Variants in TRIO observed in about 807,000 individuals in gnomAD.
TRIO encodes trio Rho guanine nucleotide exchange factor.
In TRIO, 58 loss-of-function variants were observed where a neutral mutation model predicts 351.9. The observed-to-expected ratio is 0.16, with a 90% CI of 0.13 to 0.21. The LOEUF (loss-of-function observed/expected upper bound fraction) is 0.21. TRIO is among the 10% of genes least tolerant of loss of function. TRIO has a pLI of 1.00. For synonymous variants in TRIO, 1,758 were observed against 1,595.7 expected, an observed-to-expected ratio of 1.10 and a Z score of -2.42; for missense variants, 3,201 against 4,027.8, an observed-to-expected ratio of 0.79 and a Z score of 5.56.
In TRIO at chr5:14,497,065, A is replaced by G. The variant is rs774794975; in HGVS notation, c.8019+48A>G. ...GTCCGTGTCATCCCAGCATGAGAGA[A>G]AGGATCAGGGAGGGCAGAGACTCTG... On this transcript the variant is annotated intron_variant, in intron 50 of 56. Transcript: ENST00000344204. The surrounding 1 kb of genome is among the most constrained non-coding windows in gnomAD (Gnocchi z 4.4). 2.5e-6 allele frequency: 4 copies of G among 1,606,536 alleles called. No individual in the cohort carries two copies. The highest frequency in any genetic ancestry group is 2.6e-6 in the Non-Finnish European group (3 of 1,175,716).
At chr5:14,293,905 T>C (rs1470385072) in intron 6 of TRIO, among the ~76,000 whole-genome samples, 2 of 152,150 alleles carry the variant, frequency 1.3e-5, no homozygotes, top group African/African-American at 4.8e-5. Context: ...GTTTGGACTT[T>C]AAGCCAGCCT....
rs2126719484 is a variant in TRIO at position 14,507,123 on chromosome 5, G to A, written c.8614G>A (p.Ala2872Thr). 4 of 1,591,386 alleles carry A rather than the reference G, an allele frequency of 2.5e-6. No homozygotes were observed. Among genetic ancestry groups the A allele is most frequent in the Non-Finnish European group, 3.4e-6 (4 of 1,171,010 alleles). ...AGTCACCCGCTCCTGCCTCTTTAGG[G>A]CTGACCAGGGTCGCCTCCTGGACTG... Reference protein sequence around the residue: ...PTSYILVLEMADQGRLLDCVV... With the variant: ...PTSYILVLEMTDQGRLLDCVV... The change falls in exon 56 of 57, where the codon GCT becomes ACT. Residue 2872 changes from alanine (A) to threonine (T), a missense_variant and splice_region_variant. Ala to Thr is a moderately conservative substitution (Grantham distance 58). Coordinates refer to ENST00000344204, the MANE Select transcript of TRIO (RefSeq NM_007118.4).
chr5:14,184,844 C>T (rs1790009096), intron 1 of TRIO, among the ~76,000 whole-genome samples: 1 of 152,184 alleles, frequency 6.6e-6, no homozygotes, highest in African/African-American at 2.4e-5. Flanking sequence ...TGCTTCCCTC[C>T]TGGCGTCTGT....
At chr5:14,381,747 T>G (rs1246605160) in intron 21 of TRIO, among the ~76,000 whole-genome samples, 3 of 152,214 alleles carry the variant, frequency 2.0e-5, no homozygotes, top group African/African-American at 7.2e-5. Context: ...GCAGAGTCTG[T>G]GTCATCGCCT....
At chr5:14,207,270 C>CACACACACACAA (rs1791520864) in intron 1 of TRIO, among the ~76,000 whole-genome samples, 1 of 72,072 alleles carries the variant, frequency 1.4e-5, no homozygotes, top group South Asian at 5.4e-4. Flanking sequence ...TCTACACACA[C>CACACACACACAA]ACACACACAC....
intron 5 of TRIO, among the ~76,000 whole-genome samples, chr5:14,292,390 T>C (rs1261253884): frequency 6.6e-6 from 1 of 152,246 alleles, no homozygotes; most frequent in African/African-American, 2.4e-5. Context: ...CATCTATATT[T>C]TCTTAAATGT....
chr5:14,393,058 A>AAG (rs1747244567), intron 27 of TRIO, among the ~76,000 whole-genome samples: 1 of 137,430 alleles, frequency 7.3e-6, no homozygotes. Flanking sequence ...AAAAGAAAGA[A>AAG]AAAAAAAAAA....
At chr5:14,416,157 C>T (rs989110855) in intron 33 of TRIO, among the ~76,000 whole-genome samples, 1 of 148,652 alleles carries the variant, frequency 6.7e-6, no homozygotes, top group Non-Finnish European at 1.5e-5. Context: ...TCTCTGAAAG[C>T]CAAGACCTCC....
intron 2 of TRIO, among the ~76,000 whole-genome samples, chr5:14,276,430 C>T (rs577605734): frequency 1.3e-5 from 2 of 152,366 alleles, no homozygotes; most frequent in African/African-American, 2.4e-5. Flanking sequence ...GCGAGGTGCT[C>T]GCCTTGGCTG....
At chr5:14,197,862 A>G (rs1056664343) in intron 1 of TRIO, among the ~76,000 whole-genome samples, 5 of 152,194 alleles carry the variant, frequency 3.3e-5, no homozygotes, top group Admixed American at 6.5e-5. Flanking sequence ...CGAATCTCTT[A>G]TACTGGACTG....
chr5:14,452,082 CAT>C (rs975609140), intron 34 of TRIO, among the ~76,000 whole-genome samples: 1 of 152,252 alleles, frequency 6.6e-6, no homozygotes, highest in African/African-American at 2.4e-5. Flanking sequence ...AGCAGACCCA[CAT>C]GTGTGCATGT....
rs930355240 is a variant in TRIO, at chr5:14,290,680, G to A, written c.541-36G>A. 6 of 1,547,786 alleles carry A rather than the reference G, an allele frequency of 3.9e-6. No individual in the cohort carries two copies. In the African/African-American group the frequency reaches 5.5e-5, roughly 14 times the overall value. The stretch of plus-strand genomic sequence containing the variant: ...ATTATGTTAAAACTATATAAAATTG[G>A]TTCATCTTCTCATACGTGATTTTTT... On this transcript the variant is annotated intron_variant, in intron 4 of 56. Coordinates refer to ENST00000344204, the MANE Select transcript of TRIO (RefSeq NM_007118.4).
rs531972830 is a variant in TRIO, at chr5:14,485,069, G to A, written c.6658G>A (p.Val2220Met). 6.6e-7 allele frequency: 1 copy of A among 1,514,104 alleles called. No homozygotes were observed. The highest frequency in any genetic ancestry group is 1.3e-5 in the South Asian group (1 of 76,978). 93.8% of individuals were successfully genotyped at this position (1,514,104 alleles called of 1,614,324 possible). The change falls in exon 47 of 57, where the codon GTG (valine) becomes ATG (methionine). Residue 2220 changes from valine (V) to methionine (M), a missense_variant and splice_region_variant. Physicochemically the swap from Val to Met is conservative, Grantham distance 21. Around this residue, in one of 19 missense-constraint regions of TRIO, gnomAD observed 1,089 missense variants for 954.9 expected, o/e 1.14. Coordinates refer to ENST00000344204, the MANE Select transcript of TRIO (RefSeq NM_007118.4). ...TGAATAATGTTTTTTTTTTTTTAAG[G>A]TGAGTTGCCTTTGCCTGGAGGAAAA... ...PGFLFKNSIKVSCLCLEENVE... is the reference protein window; with the variant it reads ...PGFLFKNSIKMSCLCLEENVE...
rs1414225554 is a variant in TRIO, at chr5:14,341,895, TGCAAAC to T, written c.2046+5169_2046+5174del. Among the ~76,000 whole-genome samples, 7 of 152,372 alleles carry T rather than the reference TGCAAAC, an allele frequency of 4.6e-5. No individual in the cohort carries two copies. In the East Asian group the frequency reaches 1.3e-3, roughly 29 times the overall value. Reference sequence around the variant, plus strand: ...AAAGGAAGCCTCTTGGTTCTAGTTCTGCAAACTTACACACTGAACTGGGACAAGTTT... The same window carrying T: ...AAAGGAAGCCTCTTGGTTCTAGTTCTTTACACACTGAACTGGGACAAGTTT... On this transcript the variant is annotated intron_variant, in intron 11 of 56. Coordinates refer to ENST00000344204, the MANE Select transcript of TRIO (RefSeq NM_007118.4).
chr5:14,193,980 GT>G (rs1228865328), intron 1 of TRIO, among the ~76,000 whole-genome samples: 1 of 152,102 alleles, frequency 6.6e-6, no homozygotes, highest in Non-Finnish European at 1.5e-5. Flanking sequence ...CTTCCCGGTA[GT>G]TTTTCAGTAT....
At chr5:14,504,067 A>G (rs1015754815) in intron 54 of TRIO, among the ~76,000 whole-genome samples, 2 of 152,232 alleles carry the variant, frequency 1.3e-5, no homozygotes, top group Admixed American at 6.5e-5. Context: ...CGTCGTGGGA[A>G]GCAGAAGGGA....
intron 29 of TRIO, 70 bp downstream of exon 29, chr5:14,397,224 C>T: frequency 1.6e-6 from 2 of 1,287,906 alleles, no homozygotes; most frequent in South Asian, 2.7e-5. Flanking sequence ...AATGGATTTC[C>T]TGAACCCTAA....
chr5:14,306,147 T>C (rs1177713916), intron 8 of TRIO, among the ~76,000 whole-genome samples: 2 of 146,332 alleles, frequency 1.4e-5, no homozygotes, highest in Non-Finnish European at 3.1e-5. Context: ...ATGTGGGCAG[T>C]CCTTCTCTTT....
At chr5:14,289,927 C>A (rs1283133656) in intron 4 of TRIO, among the ~76,000 whole-genome samples, 1 of 152,118 alleles carries the variant, frequency 6.6e-6, no homozygotes, top group African/African-American at 2.4e-5. Context: ...TGTTAAATTG[C>A]AATGTAGTAC....
Sources: allele counts gnomAD v4.1 joint callset (sites outside exome capture counted in the v4.1 genomes callset), GRCh38; gene constraint gnomAD v4.1.1; regional missense constraint gnomAD v4.1.1; non-coding constraint Gnocchi (gnomAD v3.1); transcripts MANE v1.5; gene names NCBI Gene and HGNC (gene_info 2026-07-23, HGNC 2026-07-21).